The following PPIP5K1 variants were observed in gnomAD, a reference collection of about 807,000 sequenced individuals.
PPIP5K1 encodes the protein diphosphoinositol pentakisphosphate kinase 1, also known as inositol hexakisphosphate and diphosphoinositol-pentakisphosphate kinase 1.
A neutral mutation model predicts 27.7 loss-of-function variants in PPIP5K1; 6 were observed. That is an observed-to-expected ratio of 0.22 (90% CI 0.12 to 0.43). The LOEUF (loss-of-function observed/expected upper bound fraction) is 0.43, where lower values mean the gene tolerates loss of function less well. Ranked by LOEUF, PPIP5K1 falls within the 20% of genes least tolerant of loss-of-function variation. The pLI is 1.00. For missense variants in PPIP5K1, 394 were observed against 635.4 expected (o/e 0.62, Z 4.08); for synonymous variants, 145 against 242.6 (o/e 0.60, Z 3.74).
intron 30 of PPIP5K1, among the ~76,000 whole-genome samples, chr15:43,558,473 G>A (rs185016030): frequency 1.3e-5 from 2 of 152,040 alleles, no homozygotes; most frequent in African/African-American, 2.4e-5. Context: ...TGATCCACCC[G>A]CCTAGCCCTC....
At chr15:43,538,702 A>G (rs2080246318) in intron 31 of PPIP5K1, among the ~76,000 whole-genome samples, 1 of 151,930 alleles carries the variant, frequency 6.6e-6, no homozygotes, top group South Asian at 2.1e-4. Flanking sequence ...TAGTAGAGAC[A>G]GGGGTTTCAC....
chr15:43,550,099 C>G (rs1307905694), intron 30 of PPIP5K1, among the ~76,000 whole-genome samples: 1 of 152,108 alleles, frequency 6.6e-6, no homozygotes, highest in Non-Finnish European at 1.5e-5. Context: ...AGCCACTGAG[C>G]CCGGCCCACA....
intron 30 of PPIP5K1, among the ~76,000 whole-genome samples, chr15:43,557,399 G>T (rs1035568058): frequency 1.3e-5 from 2 of 152,116 alleles, no homozygotes; most frequent in African/African-American, 4.8e-5. Context: ...AGTCAGCTGA[G>T]ATCCTGCCAC....
At chr15:43,556,507 C>T (rs1039491939) in intron 30 of PPIP5K1, among the ~76,000 whole-genome samples, 7 of 148,302 alleles carry the variant, frequency 4.7e-5, no homozygotes, top group Admixed American at 4.0e-4. Flanking sequence ...CATGGTGGCA[C>T]TCCAGCCTGG....
intron 30 of PPIP5K1, among the ~76,000 whole-genome samples, chr15:43,552,859 A>T (rs1361091056): frequency 1.3e-5 from 2 of 152,132 alleles, no homozygotes; most frequent in Non-Finnish European, 2.9e-5. Context: ...CCTGGCCAAC[A>T]TGGTGAAACC....
chr15:43,560,409 G>A lies in PPIP5K1; in HGVS notation c.3418+4C>T, dbSNP rs773515518. 7.7e-7 allele frequency: 1 copy of A among 1,301,070 alleles called. No individual in the cohort carries two copies. Among genetic ancestry groups the A allele is most frequent in the South Asian group, 1.2e-5 (1 of 80,970 alleles). 80.6% of individuals were successfully genotyped at this position (1,301,070 alleles called of 1,614,324 possible). A position where few individuals can be genotyped will look rare whatever the true frequency, so the allele number is the denominator to read the frequency against. On this transcript the variant is annotated splice_donor_region_variant and intron_variant, in intron 29 of 31. Transcript: ENST00000420765. ...GCAGCAGCCAGTTTGGTGGCAGGGG[G>A]TACCGTAGAGGCACTCGGGGTCATC... is the stretch of plus-strand genomic sequence containing the variant.
intron 30 of PPIP5K1, 54 bp downstream of exon 30, chr15:43,558,741 G>A (rs2083376342): frequency 1.2e-6 from 2 of 1,603,496 alleles, no homozygotes; most frequent in Non-Finnish European, 1.7e-6. Flanking sequence ...TTATATTCTA[G>A]GAAGCATGGG....
At chr15:43,550,139 CTTTCTTTTTTT>C (rs1328162266) in intron 30 of PPIP5K1, among the ~76,000 whole-genome samples, 1 of 151,654 alleles carries the variant, frequency 6.6e-6, no homozygotes, top group Non-Finnish European at 1.5e-5. Flanking sequence ...TTTCTTTTTT[CTTTCTTTTTTT>C]TTTGAGACAG....
chr15:43,549,060 T>TATAC (rs2081858593), intron 30 of PPIP5K1, among the ~76,000 whole-genome samples: 1 of 53,880 alleles, frequency 1.9e-5, no homozygotes, highest in East Asian at 5.9e-4. Context: ...AAAAAAAATA[T>TATAC]ATATATATAT....
chr15:43,542,667 TG>T (rs1567020602), intron 30 of PPIP5K1, among the ~76,000 whole-genome samples: 3,508 of 149,992 alleles, frequency 0.023, 160 homozygotes, highest in African/African-American at 0.079. Context: ...TGTGTGTGTG[TG>T]TGTGTGTGTG....
At chr15:43,559,064 T>A in intron 29 of PPIP5K1, 132 bp from the exon 30 acceptor site, 1 of 1,055,560 alleles carries the variant, frequency 9.5e-7, no homozygotes, top group Non-Finnish European at 1.4e-6. Flanking sequence ...TATCCAAGAC[T>A]CTTAGGAGAG....
chr15:43,550,318 A>T (rs55697807), intron 30 of PPIP5K1, among the ~76,000 whole-genome samples: 5,867 of 151,120 alleles, frequency 0.039, 361 homozygotes, highest in African/African-American at 0.13. Flanking sequence ...TTATTTATTT[A>T]TTTTTTTTGT....
intron 30 of PPIP5K1, among the ~76,000 whole-genome samples, chr15:43,553,716 C>T (rs2082550958): frequency 6.6e-6 from 1 of 150,442 alleles, no homozygotes. Flanking sequence ...GCGATCTCGG[C>T]TTATTGCAAG....
chr15:43,541,263 T>A (rs999923536), intron 30 of PPIP5K1, among the ~76,000 whole-genome samples: 1 of 152,018 alleles, frequency 6.6e-6, no homozygotes, highest in African/African-American at 2.4e-5. Context: ...CAGGCACATA[T>A]CACCACTCCT....
chr15:43,537,059 G>T (rs2079956747), intron 31 of PPIP5K1, among the ~76,000 whole-genome samples: 1 of 151,898 alleles, frequency 6.6e-6, no homozygotes, highest in Admixed American at 6.6e-5. Flanking sequence ...AGGAGGGGCT[G>T]GACACGGTGG....
At chr15:43,579,383 TACACACACACACACACAC>T (rs371291746) in intron 10 of PPIP5K1, among the ~76,000 whole-genome samples, 2 of 84,318 alleles carry the variant, frequency 2.4e-5, no homozygotes, top group Admixed American at 2.1e-4. Flanking sequence ...TTCGATTATA[TACACACACACACACACAC>T]ACACACACAC....
At chr15:43,580,572 A>C (rs1448655577) in intron 10 of PPIP5K1, among the ~76,000 whole-genome samples, 1 of 126,030 alleles carries the variant, frequency 7.9e-6, no homozygotes, top group African/African-American at 3.9e-5. Context: ...TCTTATTTTT[A>C]TTTTTTAATT....
chr15:43,579,660 T>G (rs1436996248), intron 10 of PPIP5K1, among the ~76,000 whole-genome samples: 1 of 46,148 alleles, frequency 2.2e-5, no homozygotes, highest in Non-Finnish European at 3.5e-5. Context: ...TATATTTTTT[T>G]TTTTTTTTTT....
intron 30 of PPIP5K1, among the ~76,000 whole-genome samples, chr15:43,543,061 A>C (rs571541295): frequency 6.6e-6 from 1 of 151,436 alleles, no homozygotes; most frequent in East Asian, 2.0e-4. Flanking sequence ...TTTCCTTTAC[A>C]ACATGCTGCA....
Sources: gnomAD v4.1 joint callset for allele counts (sites outside exome capture counted in the v4.1 genomes callset) on GRCh38, gnomAD v4.1.1 for gene constraint, MANE v1.5 for transcripts, NCBI Gene and HGNC (gene_info 2026-07-23, HGNC 2026-07-21) for gene names.